The following CLSTN2 variants were observed in gnomAD, a reference collection of about 807,000 sequenced individuals.
CLSTN2 encodes calsyntenin 2.
A neutral mutation model predicts 101.2 loss-of-function variants in CLSTN2; 48 were observed. The observed-to-expected ratio is 0.47, with a 90% CI of 0.38 to 0.60. The LOEUF (loss-of-function observed/expected upper bound fraction) is 0.60, where lower values mean the gene tolerates loss of function less well. CLSTN2 is among the 20% of genes least tolerant of loss of function. The probability of loss-of-function intolerance (pLI) is 0.00; values close to 1 mark genes in which losing one functional copy is unlikely to be tolerated. For missense variants in CLSTN2, 1,160 were observed against 1,238.2 expected (o/e 0.94, Z 0.95); for synonymous variants, 481 against 463.6 (o/e 1.04, Z -0.48).
chr3:140,371,342 G>A (rs1459156658), intron 2 of CLSTN2, among the ~76,000 whole-genome samples: 1 of 141,770 alleles, frequency 7.1e-6, no homozygotes, highest in East Asian at 2.5e-4. Flanking sequence ...CAGAAGATGG[G>A]AAAACCTATT....
chr3:140,051,580 G>A (rs1484071923), intron 1 of CLSTN2, among the ~76,000 whole-genome samples: 1 of 152,148 alleles, frequency 6.6e-6, no homozygotes, highest in Non-Finnish European at 1.5e-5. Context: ...ATTCACACGC[G>A]TGTTTCTCCA....
At chr3:140,165,131 T>C (rs2010114982) in intron 1 of CLSTN2, among the ~76,000 whole-genome samples, 1 of 152,224 alleles carries the variant, frequency 6.6e-6, no homozygotes, top group Non-Finnish European at 1.5e-5. Flanking sequence ...ATATTTTTCA[T>C]GTATGAGTCA....
intron 2 of CLSTN2, among the ~76,000 whole-genome samples, chr3:140,288,954 C>A (rs930175021): frequency 6.7e-6 from 1 of 149,518 alleles, no homozygotes; most frequent in African/African-American, 2.5e-5. Flanking sequence ...CCTGATCCCC[C>A]GTGCCCTTTT....
At chr3:140,446,067 A>G (rs1439902414) in intron 5 of CLSTN2, among the ~76,000 whole-genome samples, 2 of 152,106 alleles carry the variant, frequency 1.3e-5, no homozygotes, top group East Asian at 3.9e-4. Context: ...GAGTGGTACA[A>G]AGCATTTTGT....
rs1985579233 is a variant in CLSTN2, at chr3:140,572,230, T to C, written c.*5977T>C. The C allele has an allele frequency of 6.6e-6, 1 of 152,218 alleles. No individual in the cohort carries two copies. Among genetic ancestry groups the C allele is most frequent in the South Asian group, 2.1e-4 (1 of 4,824 alleles). 9.4% of individuals were successfully genotyped at this position (152,218 alleles called of 1,614,324 possible). A position where few individuals can be genotyped will look rare whatever the true frequency, so the allele number is the denominator to read the frequency against. On this transcript the variant is annotated 3_prime_UTR_variant, in exon 17 of 17. Transcript: ENST00000458420. ...GTAATTCTAGGGGCCCTGATATGCA[T>C]CACTGAGGCAGACTGAGGAGCTCTC... is the stretch of plus-strand genomic sequence containing the variant.
intron 1 of CLSTN2, among the ~76,000 whole-genome samples, chr3:140,058,864 G>A (rs1431843691): frequency 6.6e-6 from 1 of 152,166 alleles, no homozygotes. Context: ...TCCTGCGAAA[G>A]GCAGGAAAGC....
At chr3:140,315,938 G>C (rs1383694888) in intron 2 of CLSTN2, among the ~76,000 whole-genome samples, 1 of 152,194 alleles carries the variant, frequency 6.6e-6, no homozygotes, top group African/African-American at 2.4e-5. Flanking sequence ...CAAGGCAATT[G>C]ATCAGAGAGA....
intron 1 of CLSTN2, among the ~76,000 whole-genome samples, chr3:139,964,206 G>A (rs1006366624): frequency 6.6e-6 from 1 of 152,140 alleles, no homozygotes; most frequent in Non-Finnish European, 1.5e-5. Context: ...ATCAGCAGCC[G>A]TACTCTCCTC....
At chr3:140,406,018 CTCA>C (rs924772811) in intron 4 of CLSTN2, among the ~76,000 whole-genome samples, 3 of 152,102 alleles carry the variant, frequency 2.0e-5, no homozygotes, top group Admixed American at 2.0e-4. Flanking sequence ...CCACATACAG[CTCA>C]TCATCTAGCA....
intron 2 of CLSTN2, among the ~76,000 whole-genome samples, chr3:140,237,052 C>A (rs58140595): frequency 0.042 from 6,383 of 152,032 alleles, 282 homozygotes; most frequent in African/African-American, 0.11. Flanking sequence ...TCTTTGCATG[C>A]CAAATAATTT....
intron 2 of CLSTN2, among the ~76,000 whole-genome samples, chr3:140,179,138 GC>G (rs1165610907): frequency 6.6e-6 from 1 of 151,908 alleles, no homozygotes; most frequent in Non-Finnish European, 1.5e-5. Context: ...ATTTAACATA[GC>G]TTTTATGGTA....
intron 5 of CLSTN2, among the ~76,000 whole-genome samples, chr3:140,441,802 C>G (rs2088769484): frequency 6.6e-6 from 1 of 152,210 alleles, no homozygotes; most frequent in African/African-American, 2.4e-5. Context: ...ATAACCCACT[C>G]CCTGGCCCAG....
intron 1 of CLSTN2, among the ~76,000 whole-genome samples, chr3:140,104,456 G>C (rs1030257088): frequency 1.3e-5 from 2 of 152,320 alleles, no homozygotes; most frequent in Admixed American, 6.5e-5. Flanking sequence ...GGAGCTCCTA[G>C]TTTTCTTGTT....
intron 1 of CLSTN2, among the ~76,000 whole-genome samples, chr3:139,981,613 A>G (rs1171780509): frequency 1.3e-5 from 2 of 152,236 alleles, no homozygotes; most frequent in African/African-American, 2.4e-5. Flanking sequence ...GGTTAGGCAG[A>G]CTAAATCAAA....
intron 2 of CLSTN2, among the ~76,000 whole-genome samples, chr3:140,225,660 G>C (rs1246342174): frequency 6.6e-6 from 1 of 152,034 alleles, no homozygotes; most frequent in Non-Finnish European, 1.5e-5. Flanking sequence ...GCCATGCCCA[G>C]CTAATTTTTA....
At chr3:140,304,975 T>A (rs2087097336) in intron 2 of CLSTN2, among the ~76,000 whole-genome samples, 1 of 152,034 alleles carries the variant, frequency 6.6e-6, no homozygotes, top group Non-Finnish European at 1.5e-5. Context: ...GAGCTATGCA[T>A]GATAGTTTGC....
chr3:140,016,231 C>G (rs999881286), intron 1 of CLSTN2, among the ~76,000 whole-genome samples: 1 of 152,188 alleles, frequency 6.6e-6, no homozygotes, highest in African/African-American at 2.4e-5. Flanking sequence ...ATGAGGAGAG[C>G]TGAGACTGGC....
At chr3:140,201,235 T>G (rs2010714551) in intron 2 of CLSTN2, among the ~76,000 whole-genome samples, 1 of 152,122 alleles carries the variant, frequency 6.6e-6, no homozygotes, top group Non-Finnish European at 1.5e-5. Flanking sequence ...TAGGCTTTCT[T>G]GTGGGAGATG....
intron 1 of CLSTN2, among the ~76,000 whole-genome samples, chr3:139,956,314 C>T (rs73224953): frequency 4.1e-3 from 618 of 152,240 alleles, no homozygotes; most frequent in Middle Eastern, 0.031. Context: ...TCATTGAAGG[C>T]GAGACTGTGC....
Sources: allele counts gnomAD v4.1 joint callset (sites outside exome capture counted in the v4.1 genomes callset), GRCh38; gene constraint gnomAD v4.1.1; transcripts MANE v1.5; gene names NCBI Gene and HGNC (gene_info 2026-07-23, HGNC 2026-07-21).